Variants in EFNB2 observed in about 807,000 individuals in gnomAD.
EFNB2 encodes ephrin-B2.
In EFNB2, 5 loss-of-function variants were observed where a neutral mutation model predicts 32.1. That is an observed-to-expected ratio of 0.16 (90% confidence interval 0.08 to 0.33). The LOEUF (loss-of-function observed/expected upper bound fraction) is 0.33, where lower values mean the gene tolerates loss of function less well. Ranked by LOEUF, EFNB2 falls within the 10% of genes least tolerant of loss-of-function variation. The pLI, the probability that EFNB2 is intolerant of heterozygous loss-of-function variation, is 1.00. For missense variants in EFNB2, 263 were observed against 422.6 expected (o/e 0.62, Z 3.31); for synonymous variants, 168 against 166.5 (o/e 1.01, Z -0.07).
rs1879408725 is a variant in EFNB2, at chr13:106,518,974, T to C, written c.123-6162A>G. On this transcript the variant is annotated intron_variant, in intron 1 of 4. Coordinates refer to ENST00000646441, the MANE Select transcript of EFNB2 (RefSeq NM_004093.4). The surrounding 1 kb of genome is among the most constrained non-coding windows in gnomAD (Gnocchi z 4.1). Reference sequence around the variant, plus strand: ...GCGAAATGTGTGACAATATACCTGGTGGCTCTCCTGAGAGACGCGACAGGT... The same window carrying C: ...GCGAAATGTGTGACAATATACCTGGCGGCTCTCCTGAGAGACGCGACAGGT... The C allele has an allele frequency of 6.6e-6, 1 of 152,142 alleles. No homozygotes were observed. The highest frequency in any genetic ancestry group is 1.5e-5 in the Non-Finnish European group (1 of 68,022). The allele number at this position is 152,142 out of a possible 1,614,324, so 9.4% of individuals were successfully genotyped here. A position where few individuals can be genotyped will look rare whatever the true frequency, so the allele number is the denominator to read the frequency against.
intron 2 of EFNB2, 48 bp from the exon 3 acceptor site, chr13:106,495,888 G>C (rs1451001138): frequency 6.4e-7 from 1 of 1,550,830 alleles, no homozygotes; most frequent in East Asian, 2.3e-5. Flanking sequence ...GAAAAATCAG[G>C]AAATCAATAA....
chr13:106,521,158 G>GTTA (rs898152039), intron 1 of EFNB2: 2 of 149,578 alleles, frequency 1.3e-5, no homozygotes, highest in African/African-American at 5.0e-5. Context: ...AAAGAAAAGG[G>GTTA]GTCTAAGAGC....
At chr13:106,533,594 T>C (rs1259644231) in intron 1 of EFNB2, among the ~76,000 whole-genome samples, 1 of 152,202 alleles carries the variant, frequency 6.6e-6, no homozygotes, top group Non-Finnish European at 1.5e-5. Context: ...AACATGTTAG[T>C]GAATTTGAAA....
At chr13:106,506,007 G>A (rs938364399) in intron 2 of EFNB2, 1 of 152,186 alleles carries the variant, frequency 6.6e-6, no homozygotes, top group East Asian at 1.9e-4. Flanking sequence ...GAGTTTCTCA[G>A]TGCAATCTCA....
intron 4 of EFNB2, among the ~76,000 whole-genome samples, chr13:106,494,376 C>A (rs962478031): frequency 1.3e-5 from 2 of 152,154 alleles, no homozygotes; most frequent in Non-Finnish European, 2.9e-5. Context: ...TGTCAGGGAC[C>A]TGTTTAATAT....
chr13:106,497,635 C>T (rs538401403), intron 2 of EFNB2, among the ~76,000 whole-genome samples: 19 of 152,216 alleles, frequency 1.2e-4, no homozygotes, highest in African/African-American at 4.6e-4. Flanking sequence ...TGGTGGGCTG[C>T]GCCTGTTAAC....
intron 1 of EFNB2, among the ~76,000 whole-genome samples, chr13:106,533,203 G>T (rs544301507): frequency 1.3e-5 from 2 of 151,436 alleles, no homozygotes; most frequent in Admixed American, 1.3e-4. Flanking sequence ...GCGCGATTCC[G>T]CATGGAAGAG....
Position 106,512,522 on chromosome 13 carries a change from T to C in EFNB2, c.406+7A>G. The C allele has an allele frequency of 1.3e-6, 2 of 1,525,780 alleles. No homozygotes were observed. The highest frequency in any genetic ancestry group is 1.3e-5 in the South Asian group (1 of 77,146). 94.5% of individuals were successfully genotyped at this position (1,525,780 alleles called of 1,614,324 possible). On this transcript the variant is annotated splice_region_variant and intron_variant, in intron 2 of 4. Coordinates refer to ENST00000646441, the MANE Select transcript of EFNB2 (RefSeq NM_004093.4). ...TCTATAAAATAAATGAATAAAATTA[T>C]ACTTACATATAATGTAATAATCTTT...
intron 1 of EFNB2, 27 bp downstream of exon 1, chr13:106,534,816 C>T (rs1254224049): frequency 6.2e-7 from 1 of 1,602,724 alleles, no homozygotes; most frequent in South Asian, 1.1e-5. Context: ...GGGGCGGGGA[C>T]ATAGGGGGAT....
intron 1 of EFNB2, among the ~76,000 whole-genome samples, chr13:106,522,894 G>A (rs1456608939): frequency 6.6e-6 from 1 of 152,142 alleles, no homozygotes; most frequent in African/African-American, 2.4e-5. Flanking sequence ...TGCTCAATAG[G>A]TGGCTGTGTA....
chr13:106,502,352 TAAAGA>T (rs1878810237), intron 2 of EFNB2, among the ~76,000 whole-genome samples: 1 of 152,220 alleles, frequency 6.6e-6, no homozygotes, highest in Admixed American at 6.5e-5. Context: ...TGGATGCTCT[TAAAGA>T]AAATGGTACA....
intron 2 of EFNB2, among the ~76,000 whole-genome samples, chr13:106,510,483 G>A (rs1240951254): frequency 6.6e-6 from 1 of 152,232 alleles, no homozygotes; most frequent in Non-Finnish European, 1.5e-5. Context: ...TAAGAAGAGA[G>A]ACTCTGGGTG....
At position 106,507,214 on chromosome 13, in the gene EFNB2, GGCTTTT is replaced by G. The variant is rs4000673; in HGVS notation, c.406+5309_406+5314del. Among the ~76,000 whole-genome samples, 1,046 of 152,198 alleles carry G rather than the reference GGCTTTT, an allele frequency of 6.9e-3. 6 individuals are homozygous for G. Among genetic ancestry groups the G allele is most frequent in the Non-Finnish European group, 0.01 (683 of 68,018 alleles). On this transcript the variant is annotated intron_variant, in intron 2 of 4. Coordinates refer to ENST00000646441, the MANE Select transcript of EFNB2 (RefSeq NM_004093.4). Reference sequence around the variant, plus strand: ...GGATTACATTTAATGATGGAAATGTGGCTTTTGCTACATTTATCGTACATAAATAAT... The same window carrying G: ...GGATTACATTTAATGATGGAAATGTGGCTACATTTATCGTACATAAATAAT...
chr13:106,504,746 C>G (rs1878894229), intron 2 of EFNB2, among the ~76,000 whole-genome samples: 1 of 152,146 alleles, frequency 6.6e-6, no homozygotes, highest in Non-Finnish European at 1.5e-5. Flanking sequence ...TCTGCCAATC[C>G]ATCAGTCCTT....
At position 106,535,120 on chromosome 13, in the gene EFNB2, G is replaced by A; in HGVS notation, c.-156C>T. The A allele has an allele frequency of 3.3e-6, 3 of 904,580 alleles. No individual in the cohort carries two copies. The highest frequency in any genetic ancestry group is 7.7e-5 in the East Asian group (2 of 26,138). The allele number at this position is 904,580 out of a possible 1,614,324, so 56.0% of individuals were successfully genotyped here. ...GCTGCGCAGCTCCAGCGGTCGCCGGGCCAGGTGCGCTCGCTCTCCGGGGCC... is the reference window on the plus strand; with the variant it reads ...GCTGCGCAGCTCCAGCGGTCGCCGGACCAGGTGCGCTCGCTCTCCGGGGCC... On this transcript the variant is annotated 5_prime_UTR_variant, in exon 1 of 5. Transcript: ENST00000646441.
At chr13:106,495,483 C>G (rs973240992) in intron 3 of EFNB2, among the ~76,000 whole-genome samples, 1 of 141,910 alleles carries the variant, frequency 7.0e-6, no homozygotes, top group Admixed American at 7.3e-5. Context: ...ATCTATCTAT[C>G]TATCTATCTA....
chr13:106,497,437 T>C (rs1878627477), intron 2 of EFNB2, among the ~76,000 whole-genome samples: 1 of 147,946 alleles, frequency 6.8e-6, no homozygotes, highest in Non-Finnish European at 1.5e-5. Context: ...TTGTAGACCA[T>C]TAAGAAACTA....
chr13:106,533,235 G>A (rs1420776214), intron 1 of EFNB2, among the ~76,000 whole-genome samples: 1 of 151,052 alleles, frequency 6.6e-6, no homozygotes, highest in African/African-American at 2.4e-5. Context: ...GGCACCGGGC[G>A]GGCAGCGGCG....
Position 106,493,497 on chromosome 13 carries a change from TG to T in EFNB2, c.614-70del. ...TCCCAGTGCAGACGGACTGCTTTTA[TG>T]ACCCTTAAAAATGTGAAAAATAAGC... On this transcript the variant is annotated intron_variant, in intron 4 of 4. Transcript: ENST00000646441. This position sits in a 1 kb window ranked among gnomAD's most constrained non-coding sequence, Gnocchi z 6.1. 6.5e-7 allele frequency: 1 copy of T among 1,526,722 alleles called. No homozygotes were observed. Among genetic ancestry groups the T allele is most frequent in the Non-Finnish European group, 8.8e-7 (1 of 1,138,946 alleles). 94.6% of individuals were successfully genotyped at this position (1,526,722 alleles called of 1,614,324 possible).
Sources: gnomAD v4.1 joint callset for allele counts (sites outside exome capture counted in the v4.1 genomes callset) on GRCh38, gnomAD v4.1.1 for gene constraint, Gnocchi (gnomAD v3.1) non-coding constraint, MANE v1.5 for transcripts, NCBI Gene and HGNC (gene_info 2026-07-23, HGNC 2026-07-21) for gene names.